The following FRAS1 variants were observed in gnomAD, a reference collection of about 807,000 sequenced individuals.
FRAS1 encodes the protein extracellular matrix organizing protein FRAS1.
A neutral mutation model predicts 435.2 loss-of-function variants in FRAS1; 290 were observed. The observed-to-expected ratio is 0.67, with a 90% CI of 0.61 to 0.73. The LOEUF (loss-of-function observed/expected upper bound fraction) is 0.73. Among genes scored for constraint, FRAS1 ranks in the 30% least tolerant of loss-of-function variants. The pLI is 0.00. For missense variants in FRAS1, 4,860 were observed against 5,001.5 expected, an observed-to-expected ratio of 0.97 and a Z score of 0.85; for synonymous variants, 1,800 against 1,851.0, an observed-to-expected ratio of 0.97 and a Z score of 0.71.
chr4:78,211,141 C>T (rs75224619), intron 2 of FRAS1, among the ~76,000 whole-genome samples: 179 of 152,138 alleles, frequency 1.2e-3, no homozygotes, highest in Admixed American at 1.9e-3. Context: ...TTATAGATGT[C>T]GGGGCAAGGG....
chr4:78,187,169 T>G (rs142090002), intron 2 of FRAS1, among the ~76,000 whole-genome samples: 31 of 152,342 alleles, frequency 2.0e-4, no homozygotes, highest in African/African-American at 6.7e-4. Context: ...GCAAAGCTAC[T>G]TGTATGTTCT....
rs1719648976 is a variant in FRAS1, at chr4:78,469,880, G to A, written c.7258-98G>A. 4.8e-6 allele frequency: 4 copies of A among 839,686 alleles called. No homozygotes were observed. The South Asian group carries it at 5.8e-5, about 12-fold the overall frequency. 52.0% of individuals were successfully genotyped at this position (839,686 alleles called of 1,614,324 possible). On this transcript the variant is annotated intron_variant, in intron 50 of 73. Transcript: ENST00000512123. ...GTTGCCCATCCCTCATCTCTGAAGT[G>A]TTAGCAGACTTCAGAGGTTACAGCT...
intron 2 of FRAS1, among the ~76,000 whole-genome samples, chr4:78,083,654 CTAACA>C (rs1398035788): frequency 1.1e-5 from 1 of 92,872 alleles, no homozygotes; most frequent in African/African-American, 4.6e-5. Context: ...TTGCAAGAAT[CTAACA>C]TAGATCACAA....
chr4:78,194,266 C>T (rs540503274), intron 2 of FRAS1, among the ~76,000 whole-genome samples: 14 of 152,090 alleles, frequency 9.2e-5, no homozygotes, highest in Non-Finnish European at 1.5e-4. Flanking sequence ...TTGCTCTTCT[C>T]GAGGAATATC....
chr4:78,317,588 C>A (rs1729330892), intron 17 of FRAS1, 80 bp downstream of exon 17: 4 of 1,314,850 alleles, frequency 3.0e-6, no homozygotes, highest in African/African-American at 1.5e-5. Context: ...ATATAACTTT[C>A]CAGTGTAACT....
intron 2 of FRAS1, among the ~76,000 whole-genome samples, chr4:78,202,577 G>C (rs909388035): frequency 3.9e-5 from 6 of 152,158 alleles, no homozygotes; most frequent in Admixed American, 6.5e-5. Flanking sequence ...TCTAATCCCA[G>C]CTACTCGGGA....
chr4:78,154,591 G>A (rs1720803736), intron 2 of FRAS1, among the ~76,000 whole-genome samples: 4 of 152,128 alleles, frequency 2.6e-5, no homozygotes, highest in Admixed American at 2.0e-4. Flanking sequence ...TTGACACTGG[G>A]GAGGTCAGAA....
chr4:78,537,784 A>C (rs940365547), intron 72 of FRAS1, among the ~76,000 whole-genome samples: 3 of 152,090 alleles, frequency 2.0e-5, no homozygotes, highest in Admixed American at 2.0e-4. Context: ...ATCTACAAAA[A>C]AATATTTGAA....
At chr4:78,318,255 C>T (rs1419930759) in intron 17 of FRAS1, among the ~76,000 whole-genome samples, 3 of 152,118 alleles carry the variant, frequency 2.0e-5, no homozygotes, top group Non-Finnish European at 2.9e-5. Context: ...GTTTGACTAC[C>T]TTATTTGGCT....
intron 28 of FRAS1, among the ~76,000 whole-genome samples, chr4:78,385,148 G>A (rs1201980487): frequency 2.0e-5 from 3 of 152,074 alleles, no homozygotes; most frequent in Non-Finnish European, 2.9e-5. Flanking sequence ...TCTCCATCAA[G>A]TTGTACTTAC....
chr4:78,234,348 C>G (rs1724648206), intron 2 of FRAS1, among the ~76,000 whole-genome samples: 1 of 151,986 alleles, frequency 6.6e-6, no homozygotes, highest in African/African-American at 2.4e-5. Context: ...GCCTCTGCCT[C>G]CCGAGTAGCT....
At position 78,387,651 on chromosome 4, in the gene FRAS1, G is replaced by A; in HGVS notation, c.3925G>A (p.Asp1309Asn). Residue 1309 changes from aspartate to asparagine, a missense_variant, in exon 29 of 74, where the codon GAT (aspartate) becomes AAT (asparagine). Transcript: ENST00000512123. ...CGATGTTGCAGTCTTGCAGGCCAAT[G>A]ATGGACACTCCTTCCATAATATACT... is the stretch of plus-strand genomic sequence containing the variant. ...TSDVAVLQANDGHSFHNILFQ... is the reference protein window; with the variant it reads ...TSDVAVLQANNGHSFHNILFQ... The A allele has an allele frequency of 1.9e-6, 3 of 1,600,176 alleles. No individual in the cohort carries two copies. The highest frequency in any genetic ancestry group is 2.6e-6 in the Non-Finnish European group (3 of 1,171,460).
At chr4:78,307,745 G>T (rs576258938) in intron 14 of FRAS1, among the ~76,000 whole-genome samples, 1 of 152,260 alleles carries the variant, frequency 6.6e-6, no homozygotes, top group East Asian at 1.9e-4. Context: ...ACTGACCTGC[G>T]CCCACTGTCT....
chr4:78,385,666 C>T (rs919330704), intron 28 of FRAS1, among the ~76,000 whole-genome samples: 1 of 152,178 alleles, frequency 6.6e-6, no homozygotes, highest in African/African-American at 2.4e-5. Flanking sequence ...TGCATGGTCA[C>T]CTGAGGTCAG....
chr4:78,489,187 T>C (rs2109865307), intron 59 of FRAS1, 107 bp downstream of exon 59: 1 of 1,014,154 alleles, frequency 9.9e-7, no homozygotes, highest in East Asian at 2.6e-5. Context: ...TTTTGTATAC[T>C]ACAGGTGACC....
intron 2 of FRAS1, among the ~76,000 whole-genome samples, chr4:78,101,138 C>T (rs1183683589): frequency 6.6e-6 from 1 of 151,642 alleles, no homozygotes; most frequent in East Asian, 1.9e-4. Flanking sequence ...GACAGCTTGG[C>T]ATAAGACTAA....
intron 26 of FRAS1, chr4:78,379,132 T>A (rs1182916508): frequency 2.0e-5 from 3 of 152,752 alleles, no homozygotes; most frequent in African/African-American, 7.2e-5. Flanking sequence ...TTAACATTTT[T>A]AAGAAAAGGT....
chr4:78,367,170 C>T (rs1053768610), intron 22 of FRAS1, among the ~76,000 whole-genome samples: 4 of 152,140 alleles, frequency 2.6e-5, no homozygotes, highest in Admixed American at 1.3e-4. Flanking sequence ...TTAGGGAGAG[C>T]AAGGTGGGAG....
chr4:78,519,241 G>T, intron 66 of FRAS1, 90 bp from the exon 67 acceptor site: 1 of 1,142,858 alleles, frequency 8.7e-7, no homozygotes, highest in Non-Finnish European at 1.2e-6. Flanking sequence ...GACTACATGG[G>T]TGAATGAAAA....
Sources: allele counts gnomAD v4.1 joint callset (sites outside exome capture counted in the v4.1 genomes callset), GRCh38; gene constraint gnomAD v4.1.1; transcripts MANE v1.5; gene names NCBI Gene and HGNC (gene_info 2026-07-23, HGNC 2026-07-21).